KCNU1: variants seen among roughly 807,000 people sequenced by gnomAD.
KCNU1 encodes potassium calcium-activated channel subfamily U member 1, also known as potassium channel subfamily U member 1.
Under a neutral mutation model 126.8 loss-of-function variants are expected in KCNU1, and 93 were observed. The observed-to-expected ratio is 0.73, with a 90% CI of 0.62 to 0.87. The LOEUF (loss-of-function observed/expected upper bound fraction) is 0.87. Among genes scored for constraint, KCNU1 ranks in the 40% least tolerant of loss-of-function variants. The pLI, the probability that KCNU1 is intolerant of heterozygous loss-of-function variation, is 0.00. For missense variants in KCNU1, 1,330 were observed against 1,367.1 expected (o/e 0.97, Z 0.43); for synonymous variants, 523 against 494.2 (o/e 1.06, Z -0.77).
intron 24 of KCNU1, among the ~76,000 whole-genome samples, chr8:36,927,119 A>T (rs1165932920): frequency 6.6e-6 from 1 of 152,202 alleles, no homozygotes; most frequent in Non-Finnish European, 1.5e-5. Flanking sequence ...CAAAGCCCAC[A>T]GTCATGTGCT....
chr8:36,926,647 G>C (rs115575754), intron 24 of KCNU1, among the ~76,000 whole-genome samples: 1 of 152,090 alleles, frequency 6.6e-6, no homozygotes, highest in Non-Finnish European at 1.5e-5. Flanking sequence ...AGTCTGGTGC[G>C]GGAGGCAGGA....
chr8:36,931,254 T>A (rs1808694926), intron 25 of KCNU1, 109 bp downstream of exon 25: 3 of 591,312 alleles, frequency 5.1e-6, no homozygotes, highest in Non-Finnish European at 8.7e-6. Flanking sequence ...ACAGAAATGA[T>A]AACAATAAAA....
At position 36,906,052 on chromosome 8, in the gene KCNU1, C is replaced by T. The variant is rs565905416; in HGVS notation, c.2106+248C>T. The stretch of plus-strand genomic sequence containing the variant: ...AATTATATGTCTTCAACTATTTCCT[C>T]TCTCCTTTGACAGTTTAGCTGACTC... On this transcript the variant is annotated intron_variant, in intron 20 of 26. Coordinates refer to ENST00000399881, the MANE Select transcript of KCNU1 (RefSeq NM_001031836.3). 1.4e-4 allele frequency among the ~76,000 whole-genome samples: 21 copies of T among 152,272 alleles called. 4 individuals carry two copies. The highest frequency in any genetic ancestry group is 5.1e-4 in the African/African-American group (21 of 41,574).
intron 14 of KCNU1, among the ~76,000 whole-genome samples, chr8:36,838,504 A>G (rs369698531): frequency 2.0e-5 from 3 of 152,220 alleles, no homozygotes; most frequent in Admixed American, 6.5e-5. Context: ...CAACCTTGCC[A>G]ACGTAGTGAA....
intron 2 of KCNU1, among the ~76,000 whole-genome samples, chr8:36,794,753 T>C (rs1387193278): frequency 1.3e-5 from 2 of 151,790 alleles, no homozygotes; most frequent in Non-Finnish European, 2.9e-5. Flanking sequence ...GAGACCTCAT[T>C]TGTACAAAAA....
chr8:36,855,638 T>C lies in KCNU1; in HGVS notation c.1892-8766T>C, dbSNP rs548390523. Reference sequence around the variant, plus strand: ...TCTATTTATTTCTCTCGACTAAATGTTTTCAAGGCTCCTGTTGGTTAGTTT... The same window carrying C: ...TCTATTTATTTCTCTCGACTAAATGCTTTCAAGGCTCCTGTTGGTTAGTTT... On this transcript the variant is annotated intron_variant, in intron 18 of 26. Transcript: ENST00000399881. Among the ~76,000 whole-genome samples, 5 of 152,270 alleles carry C rather than the reference T, an allele frequency of 3.3e-5. No individual in the cohort carries two copies. In the South Asian group the frequency reaches 1.0e-3, roughly 32 times the overall value.
chr8:36,925,932 A>T (rs1808515722), intron 24 of KCNU1, among the ~76,000 whole-genome samples: 1 of 151,904 alleles, frequency 6.6e-6, no homozygotes, highest in African/African-American at 2.4e-5. Flanking sequence ...TGGAGCTATG[A>T]CCCCTACAGA....
chr8:36,907,734 C>A (rs1807688259), intron 20 of KCNU1, among the ~76,000 whole-genome samples: 1 of 152,106 alleles, frequency 6.6e-6, no homozygotes, highest in African/African-American at 2.4e-5. Flanking sequence ...TTTAACCCAG[C>A]AAAGGACTGG....
chr8:36,793,077 C>T (rs1802960293), intron 2 of KCNU1, among the ~76,000 whole-genome samples: 1 of 151,848 alleles, frequency 6.6e-6, no homozygotes, highest in Non-Finnish European at 1.5e-5. Context: ...AGCTGGAAAC[C>T]ATAATTCTCA....
chr8:36,863,570 T>C (rs1805801874), intron 18 of KCNU1, among the ~76,000 whole-genome samples: 2 of 152,208 alleles, frequency 1.3e-5, no homozygotes, highest in Admixed American at 6.5e-5. Context: ...GTTTAGAATA[T>C]GTTTTTTAAA....
intron 10 of KCNU1, among the ~76,000 whole-genome samples, chr8:36,832,974 T>A (rs549189892): frequency 5.3e-5 from 8 of 152,276 alleles, no homozygotes; most frequent in Admixed American, 3.3e-4. Context: ...TTTTTATTTG[T>A]GTTTTGGTTA....
At chr8:36,831,208 G>A (rs867264855) in intron 10 of KCNU1, among the ~76,000 whole-genome samples, 15 of 151,760 alleles carry the variant, frequency 9.9e-5, no homozygotes, top group South Asian at 6.3e-4. Context: ...GAATAATGCC[G>A]CAATAAACAT....
At chr8:36,897,674 A>G (rs919065683) in intron 19 of KCNU1, among the ~76,000 whole-genome samples, 2 of 152,074 alleles carry the variant, frequency 1.3e-5, no homozygotes, top group African/African-American at 4.8e-5. Context: ...CCCCTGCCTT[A>G]TGGAGGCTAT....
At chr8:36,907,594 C>T (rs1807682800) in intron 20 of KCNU1, among the ~76,000 whole-genome samples, 1 of 152,156 alleles carries the variant, frequency 6.6e-6, no homozygotes, top group Non-Finnish European at 1.5e-5. Context: ...GGAGATCTCT[C>T]TTGGAAGGAG....
intron 26 of KCNU1, among the ~76,000 whole-genome samples, chr8:36,934,094 TGAG>T (rs1808783550): frequency 6.6e-6 from 1 of 152,020 alleles, no homozygotes; most frequent in African/African-American, 2.4e-5. Context: ...GAAAGTATGA[TGAG>T]AAGTTGTAGT....
intron 23 of KCNU1, among the ~76,000 whole-genome samples, chr8:36,921,142 A>G (rs1808328470): frequency 6.6e-6 from 1 of 152,318 alleles, no homozygotes; most frequent in East Asian, 1.9e-4. Flanking sequence ...AAAACAAAAC[A>G]AAACAAAACC....
chr8:36,796,741 C>T (rs1042306380), intron 2 of KCNU1, among the ~76,000 whole-genome samples: 1 of 152,168 alleles, frequency 6.6e-6, no homozygotes. Context: ...GCCCAGCTCT[C>T]TTTCAATCTT....
At chr8:36,807,298 C>A in intron 5 of KCNU1, 77 bp from the exon 6 acceptor site, 1 of 950,970 alleles carries the variant, frequency 1.1e-6, no homozygotes, top group East Asian at 2.4e-5. Flanking sequence ...TAAGTGATTC[C>A]AATGCTGTTA....
chr8:36,931,817 C>T (rs1365697961), intron 25 of KCNU1, among the ~76,000 whole-genome samples: 2 of 152,024 alleles, frequency 1.3e-5, no homozygotes, highest in Non-Finnish European at 2.9e-5. Flanking sequence ...CTTGCATTTT[C>T]TTAGCTGAGG....
Sources: allele counts gnomAD v4.1 joint callset (sites outside exome capture counted in the v4.1 genomes callset), GRCh38; gene constraint gnomAD v4.1.1; transcripts MANE v1.5; gene names NCBI Gene and HGNC (gene_info 2026-07-23, HGNC 2026-07-21).